Variants in TMOD1 observed in about 807,000 individuals in gnomAD.
TMOD1 encodes tropomodulin 1, also known as tropomodulin-1.
TMOD1 carries 17 observed loss-of-function variants against 40.6 expected under a neutral mutation model. The ratio of observed to expected loss-of-function variants is 0.42; its 90% CI spans 0.29 to 0.63. The LOEUF (loss-of-function observed/expected upper bound fraction) is 0.63, where lower values mean the gene tolerates loss of function less well. Ranked by LOEUF, TMOD1 falls within the 20% of genes least tolerant of loss-of-function variation. The pLI is 0.22. For synonymous variants in TMOD1, 181 were observed against 175.0 expected, an observed-to-expected ratio of 1.03 and a Z score of -0.27; for missense variants, 391 against 447.6, an observed-to-expected ratio of 0.87 and a Z score of 1.14.
At chr9:97,514,695 G>A (rs1336539744) in intron 1 of TMOD1, among the ~76,000 whole-genome samples, 7 of 152,348 alleles carry the variant, frequency 4.6e-5, no homozygotes, top group Non-Finnish European at 8.8e-5. Context: ...TGCTCTTACA[G>A]GTACCTAATG....
intron 3 of TMOD1, among the ~76,000 whole-genome samples, chr9:97,550,989 A>ATT (rs1587936746): frequency 1.7e-5 from 2 of 117,690 alleles, no homozygotes; most frequent in South Asian, 2.7e-4. Flanking sequence ...TCTTCTAAGA[A>ATT]TTTTATATAT....
At chr9:97,523,559 G>A (rs893125186) in intron 1 of TMOD1, among the ~76,000 whole-genome samples, 51 of 152,256 alleles carry the variant, frequency 3.3e-4, no homozygotes, top group African/African-American at 1.2e-3. Context: ...TGGGGATAAT[G>A]GTAATACCTA....
intron 4 of TMOD1, among the ~76,000 whole-genome samples, chr9:97,561,290 T>G (rs535885077): frequency 6.6e-6 from 1 of 152,360 alleles, no homozygotes; most frequent in East Asian, 1.9e-4. Context: ...TAGAAGACCC[T>G]GTAGAATCTG....
intron 8 of TMOD1, among the ~76,000 whole-genome samples, chr9:97,589,448 T>C (rs1324688803): frequency 7.1e-6 from 1 of 141,058 alleles, no homozygotes; most frequent in African/African-American, 2.7e-5. Flanking sequence ...CTTTTTGTAT[T>C]TTTTTTTTTT....
intron 8 of TMOD1, among the ~76,000 whole-genome samples, chr9:97,587,072 G>T (rs1825894684): frequency 6.6e-6 from 1 of 152,230 alleles, no homozygotes; most frequent in African/African-American, 2.4e-5. Context: ...CCAAGTTGTT[G>T]CATGTACCAA....
At chr9:97,587,703 T>A (rs1421572350) in intron 8 of TMOD1, among the ~76,000 whole-genome samples, 3 of 152,108 alleles carry the variant, frequency 2.0e-5, no homozygotes, top group Non-Finnish European at 4.4e-5. Context: ...TTCTAGAAAA[T>A]TTTTATCACT....
chr9:97,588,122 A>G (rs1289301883), intron 8 of TMOD1, among the ~76,000 whole-genome samples: 1 of 152,222 alleles, frequency 6.6e-6, no homozygotes, highest in Non-Finnish European at 1.5e-5. Flanking sequence ...CAAGAGTGGA[A>G]TTGCTGGGTC....
intron 1 of TMOD1, among the ~76,000 whole-genome samples, chr9:97,523,614 C>G (rs757644058): frequency 1.3e-5 from 2 of 152,204 alleles, no homozygotes. Flanking sequence ...ACTGAACACA[C>G]AGCTTGATAT....
rs535917835 is a variant in TMOD1 at position 97,506,271 on chromosome 9, T to C, written c.-49+4468T>C. On this transcript the variant is annotated intron_variant, in intron 1 of 9. Coordinates refer to ENST00000259365, the MANE Select transcript of TMOD1 (RefSeq NM_003275.4). ...GTGTGTTCTAAATGGAACCACCCAA[T>C]GATGTATCTCTGTCTCTGGCTAGAC... 3.9e-5 allele frequency among the ~76,000 whole-genome samples: 6 copies of C among 152,302 alleles called. No homozygotes were observed. In the South Asian group the frequency reaches 1.2e-3, roughly 32 times the overall value.
At chr9:97,549,056 G>A (rs1830410305) in intron 3 of TMOD1, among the ~76,000 whole-genome samples, 1 of 152,214 alleles carries the variant, frequency 6.6e-6, no homozygotes, top group Non-Finnish European at 1.5e-5. Flanking sequence ...ACAAAGCCCT[G>A]AGGAATTTGG....
chr9:97,510,237 C>CTTTTTT (rs11379458), intron 1 of TMOD1, among the ~76,000 whole-genome samples: 5 of 148,786 alleles, frequency 3.4e-5, no homozygotes, highest in Non-Finnish European at 7.5e-5. Context: ...TACAAGTTAG[C>CTTTTTT]TTTTTTTTTT....
chr9:97,514,169 C>T (rs903634450), intron 1 of TMOD1, among the ~76,000 whole-genome samples: 4 of 151,636 alleles, frequency 2.6e-5, no homozygotes, highest in East Asian at 3.9e-4. Context: ...TCAAGTGATT[C>T]TCCTGCCTCA....
At chr9:97,589,396 C>T (rs1158983667) in intron 8 of TMOD1, among the ~76,000 whole-genome samples, 20 of 149,746 alleles carry the variant, frequency 1.3e-4, no homozygotes, top group Non-Finnish European at 2.4e-4. Context: ...CTCAGCCTCC[C>T]GAGTATCTGG....
At chr9:97,521,412 C>G (rs1378534770) in intron 1 of TMOD1, among the ~76,000 whole-genome samples, 4 of 152,166 alleles carry the variant, frequency 2.6e-5, no homozygotes, top group Non-Finnish European at 5.9e-5. Flanking sequence ...AGTTTTAAGG[C>G]AGTTCTGGAC....
At chr9:97,529,566 A>ATC (rs368887237) in intron 2 of TMOD1, among the ~76,000 whole-genome samples, 178 of 151,716 alleles carry the variant, frequency 1.2e-3, no homozygotes, top group Non-Finnish European at 1.7e-3. Context: ...AAAACTTTCT[A>ATC]TCTCTCTCTC....
chr9:97,572,386 T>TG (rs1283536717), intron 8 of TMOD1, among the ~76,000 whole-genome samples: 5 of 152,064 alleles, frequency 3.3e-5, no homozygotes, highest in Admixed American at 3.3e-4. Context: ...GGGAGGGGAC[T>TG]GGGGGCAAGG....
In TMOD1 at chr9:97,601,631, A is replaced by AT. The variant is rs1826262720; in HGVS notation, c.*1936dup. On this transcript the variant is annotated 3_prime_UTR_variant, in exon 10 of 10. Transcript: ENST00000259365. Reference sequence around the variant, plus strand: ...TTCTGTAAAAGGCCAGACAGTAAAAATTTCCGATTTTGCAGGCCACATAGT... The same window carrying AT: ...TTCTGTAAAAGGCCAGACAGTAAAAATTTTCCGATTTTGCAGGCCACATAGT... 6.1e-6 allele frequency: 6 copies of AT among 983,754 alleles called. No homozygotes were observed. The South Asian group carries it at 1.9e-4, about 31-fold the overall frequency. The allele number at this position is 983,754 out of a possible 1,614,324, so 60.9% of individuals were successfully genotyped here. A position where few individuals can be genotyped will look rare whatever the true frequency, so the allele number is the denominator to read the frequency against.
At chr9:97,548,039 G>C (rs115280588) in intron 3 of TMOD1, among the ~76,000 whole-genome samples, 177 of 152,276 alleles carry the variant, frequency 1.2e-3, no homozygotes, top group African/African-American at 4.0e-3. Context: ...TCATCATTTT[G>C]TTCCTGGCAC....
intron 4 of TMOD1, 72 bp downstream of exon 4, chr9:97,553,472 G>T: frequency 6.3e-7 from 1 of 1,593,032 alleles, no homozygotes; most frequent in Non-Finnish European, 8.6e-7. Flanking sequence ...AGCCTTGTAG[G>T]GCTCATTTCA....
Sources: gnomAD v4.1 joint callset for allele counts (sites outside exome capture counted in the v4.1 genomes callset) on GRCh38, gnomAD v4.1.1 for gene constraint, MANE v1.5 for transcripts, NCBI Gene and HGNC (gene_info 2026-07-23, HGNC 2026-07-21) for gene names.